The following FBXL20 variants were observed in gnomAD, a reference collection of about 807,000 sequenced individuals.
The protein encoded by FBXL20 is F-box/LRR-repeat protein 20.
Under a neutral mutation model 64.0 loss-of-function variants are expected in FBXL20, and 11 were observed. The observed-to-expected ratio is 0.17, with a 90% CI of 0.11 to 0.28. FBXL20 has a LOEUF of 0.28. Ranked by LOEUF, FBXL20 falls within the 10% of genes least tolerant of loss-of-function variation. FBXL20 has a pLI of 1.00. For synonymous variants in FBXL20, 184 were observed against 189.0 expected (o/e 0.97, Z 0.22); for missense variants, 303 against 526.2 (o/e 0.58, Z 4.15).
intron 1 of FBXL20, among the ~76,000 whole-genome samples, chr17:39,378,125 A>T (rs994568763): frequency 2.6e-5 from 4 of 152,246 alleles, no homozygotes; most frequent in African/African-American, 9.6e-5. Context: ...CAATACTAAT[A>T]CAACAAGTAG....
chr17:39,391,084 G>T (rs1047402000), intron 1 of FBXL20, among the ~76,000 whole-genome samples: 2 of 151,870 alleles, frequency 1.3e-5, no homozygotes, highest in Non-Finnish European at 2.9e-5. Flanking sequence ...TCTGTAAAAG[G>T]ATTTTTCCAT....
chr17:39,280,190 C>T (rs529090502), intron 9 of FBXL20, among the ~76,000 whole-genome samples: 10 of 145,192 alleles, frequency 6.9e-5, no homozygotes, highest in African/African-American at 2.0e-4. Context: ...GAGCCGAGAT[C>T]GTGCCTCTGC....
chr17:39,283,888 T>C (rs1290004167), intron 7 of FBXL20, among the ~76,000 whole-genome samples: 1 of 151,058 alleles, frequency 6.6e-6, no homozygotes, highest in Non-Finnish European at 1.5e-5. Context: ...TATTCCTGCC[T>C]GCAGAAAAGA....
rs538307934 is a variant in FBXL20 at position 39,273,646 on chromosome 17, C to A, written c.827+1324G>T. On this transcript the variant is annotated intron_variant, in intron 10 of 14. Transcript: ENST00000264658. Reference sequence around the variant, plus strand: ...ACCATCCTGGCCAATATGATGAAACCCCATCTCTACTAAAAATACAAAAAT... The same window carrying A: ...ACCATCCTGGCCAATATGATGAAACACCATCTCTACTAAAAATACAAAAAT... Among the ~76,000 whole-genome samples, 55 of 151,520 alleles carry A rather than the reference C, an allele frequency of 3.6e-4. 2 individuals are homozygous for A. In the East Asian group the frequency reaches 9.6e-3, roughly 27 times the overall value.
At chr17:39,300,630 T>C (rs112595930) in intron 4 of FBXL20, among the ~76,000 whole-genome samples, 4 of 152,248 alleles carry the variant, frequency 2.6e-5, no homozygotes, top group African/African-American at 9.6e-5. Context: ...AAAAAATATA[T>C]ACGAACGCCA....
intron 1 of FBXL20, among the ~76,000 whole-genome samples, chr17:39,379,234 A>C (rs2047999721): frequency 1.3e-5 from 2 of 151,148 alleles, no homozygotes; most frequent in African/African-American, 4.8e-5. Context: ...TAAATAAAAT[A>C]AAATAACATA....
At chr17:39,370,782 G>A (rs1174685647) in intron 1 of FBXL20, among the ~76,000 whole-genome samples, 7 of 146,994 alleles carry the variant, frequency 4.8e-5, no homozygotes, top group East Asian at 2.0e-4. Context: ...GCGACAGAGC[G>A]AGACTCCGTC....
intron 2 of FBXL20, among the ~76,000 whole-genome samples, chr17:39,307,958 A>T (rs536582055): frequency 6.8e-6 from 1 of 148,034 alleles, no homozygotes; most frequent in Non-Finnish European, 1.5e-5. Context: ...GCAACAGAGC[A>T]AGACATCATT....
chr17:39,303,713 G>C, intron 2 of FBXL20, 74 bp from the exon 3 acceptor site: 1 of 1,326,730 alleles, frequency 7.5e-7, no homozygotes, highest in Admixed American at 2.1e-5. Context: ...TTGAGACAGG[G>C]TCTCACTCTG....
chr17:39,329,091 T>C (rs993587078), intron 2 of FBXL20, among the ~76,000 whole-genome samples: 9 of 151,886 alleles, frequency 5.9e-5, no homozygotes, highest in Admixed American at 3.3e-4. Flanking sequence ...ATTTTTACCA[T>C]AGGACATTCT....
At chr17:39,317,418 G>A (rs1461610085) in intron 2 of FBXL20, among the ~76,000 whole-genome samples, 2 of 151,954 alleles carry the variant, frequency 1.3e-5, no homozygotes, top group Admixed American at 1.3e-4. Flanking sequence ...TTTTAGTAGA[G>A]ATGGGGTTTC....
rs776118021 is a variant in FBXL20 at position 39,343,180 on chromosome 17, C to T, written c.104G>A (p.Arg35Gln). ...NKKLPKELLL[R>Q]IFSFLDVVTL... ...CCATAAAATTAGCATTCAGACTTAC[C>T]GTAACAGGAGTTCTTTGGGAAGTTT... Residue 35 changes from arginine (R) to glutamine (Q), a missense_variant and splice_region_variant, in exon 2 of 15, where the codon CGG becomes CAG. By Grantham distance (43) the Arg-to-Gln change is conservative. Coordinates refer to ENST00000264658, the MANE Select transcript of FBXL20 (RefSeq NM_032875.3). 7.5e-6 allele frequency: 12 copies of T among 1,597,530 alleles called. 1 individual carries two copies. The East Asian group carries it at 9.0e-5, about 12-fold the overall frequency.
intron 1 of FBXL20, among the ~76,000 whole-genome samples, chr17:39,360,006 A>G (rs1368972304): frequency 6.6e-6 from 1 of 152,188 alleles, no homozygotes; most frequent in Admixed American, 6.5e-5. Context: ...GTATAAACAT[A>G]AAATATTAAA....
At chr17:39,356,158 T>C (rs1458489588) in intron 1 of FBXL20, among the ~76,000 whole-genome samples, 2 of 138,046 alleles carry the variant, frequency 1.4e-5, no homozygotes, top group Non-Finnish European at 3.0e-5. Flanking sequence ...GAGGTTGCAG[T>C]GAGCTGAGAT....
chr17:39,284,070 A>G (rs897216064), intron 7 of FBXL20, among the ~76,000 whole-genome samples: 35 of 152,146 alleles, frequency 2.3e-4, no homozygotes, highest in African/African-American at 7.7e-4. Context: ...TTATTCCACA[A>G]TAACAGTTGA....
rs780237015 is a variant in FBXL20, at chr17:39,305,855, G to C, written c.105-2216C>G. ...ACAAAATTAGCCAGGCGTGGTGGTG[G>C]GGGCGCTTGTAATCCCAGCTACTCG... On this transcript the variant is annotated intron_variant, in intron 2 of 14. Transcript: ENST00000264658. Among the ~76,000 whole-genome samples, 272 of 151,910 alleles carry C rather than the reference G, an allele frequency of 1.8e-3. 1 individual carries two copies. Among genetic ancestry groups the C allele is most frequent in the Non-Finnish European group, 2.7e-3 (180 of 67,918 alleles).
At chr17:39,299,805 A>C (rs893965750) in intron 4 of FBXL20, among the ~76,000 whole-genome samples, 3 of 148,696 alleles carry the variant, frequency 2.0e-5, no homozygotes, top group Admixed American at 2.0e-4. Context: ...ACAACAACAA[A>C]AACAAAAGCT....
intron 2 of FBXL20, among the ~76,000 whole-genome samples, chr17:39,336,823 CA>C (rs1050338585): frequency 9.7e-4 from 119 of 122,674 alleles, no homozygotes; most frequent in Admixed American, 8.4e-4. Context: ...GACACCATCT[CA>C]AAAAAAAAAA....
Position 39,254,034 on chromosome 17 carries a change from A to T in FBXL20, c.*7426T>A, listed in dbSNP as rs2046673306. 6.6e-6 allele frequency: 1 copy of T among 152,242 alleles called. No individual in the cohort carries two copies. Among genetic ancestry groups the T allele is most frequent in the South Asian group, 2.1e-4 (1 of 4,834 alleles). The allele number at this position is 152,242 out of a possible 1,614,324, so 9.4% of individuals were successfully genotyped here. A position where few individuals can be genotyped will look rare whatever the true frequency, so the allele number is the denominator to read the frequency against. On this transcript the variant is annotated 3_prime_UTR_variant, in exon 15 of 15. Transcript: ENST00000264658. ...CAGCAATGAGGTACAGATCTGAATT[A>T]ATGAGATAATGGCAAGAGAAACTTA...
Sources: allele counts gnomAD v4.1 joint callset (sites outside exome capture counted in the v4.1 genomes callset), GRCh38; gene constraint gnomAD v4.1.1; transcripts MANE v1.5; gene names NCBI Gene and HGNC (gene_info 2026-07-23, HGNC 2026-07-21).